Variants in ITGAL observed in about 807,000 individuals in gnomAD.
ITGAL encodes the protein integrin subunit alpha L.
Under a neutral mutation model 138.4 loss-of-function variants are expected in ITGAL, and 68 were observed. The observed-to-expected ratio is 0.49, with a 90% confidence interval of 0.40 to 0.60. The LOEUF (loss-of-function observed/expected upper bound fraction) is 0.60, where lower values mean the gene tolerates loss of function less well. ITGAL is among the 20% of genes least tolerant of loss of function. The pLI, the probability that ITGAL is intolerant of heterozygous loss-of-function variation, is 0.00. For synonymous variants in ITGAL, 561 were observed against 584.3 expected, an observed-to-expected ratio of 0.96 and a Z score of 0.57; for missense variants, 1,256 against 1,478.6, an observed-to-expected ratio of 0.85 and a Z score of 2.47.
At chr16:30,509,380 A>G (rs1367443603) in intron 21 of ITGAL, 1 of 152,072 alleles carries the variant, frequency 6.6e-6, no homozygotes, top group Non-Finnish European at 1.5e-5. Context: ...ATGAAGATGA[A>G]TGGTTTAATA....
At position 30,499,451 on chromosome 16, in the gene ITGAL, A is replaced by G. The variant is rs2050852158; in HGVS notation, c.2107A>G (p.Thr703Ala). 1.9e-6 allele frequency: 3 copies of G among 1,613,762 alleles called. No individual in the cohort carries two copies. In the South Asian group the frequency reaches 3.3e-5, roughly 18 times the overall value. The change falls in exon 17 of 31, where the codon ACC becomes GCC. Residue 703 changes from threonine (T) to alanine (A), a missense_variant. Coordinates refer to ENST00000356798, the MANE Select transcript of ITGAL (RefSeq NM_002209.3). ...ACTCAGAAGGAATATAGCTGTCACCACCAGCATGTCATGCACTGACTTCTC... is the reference window on the plus strand; with the variant it reads ...ACTCAGAAGGAATATAGCTGTCACCGCCAGCATGTCATGCACTGACTTCTC... ...HELRRNIAVT[T>A]SMSCTDFSFH...
intron 17 of ITGAL, among the ~76,000 whole-genome samples, chr16:30,502,427 A>G (rs1308146690): frequency 3.5e-5 from 5 of 142,192 alleles, no homozygotes; most frequent in Admixed American, 7.2e-5. Flanking sequence ...AAAAGGATTG[A>G]TATCAAATTG....
Position 30,496,261 on chromosome 16 carries a change from G to T in ITGAL, c.1668G>T (p.Gly556=). ...AGGGGGCTGTGTACATCTTCAATGGGAGGCACGGGGGGCTTAGTCCCCAGC... is the reference window on the plus strand; with the variant it reads ...AGGGGGCTGTGTACATCTTCAATGGTAGGCACGGGGGGCTTAGTCCCCAGC... ...EEQGAVYIFN[G]RHGGLSPQPS... Residue 556 remains glycine (G), a synonymous_variant, in exon 14 of 31, where the codon GGG becomes GGT. Coordinates refer to ENST00000356798, the MANE Select transcript of ITGAL (RefSeq NM_002209.3). 1 of 1,604,038 alleles carries T rather than the reference G, an allele frequency of 6.2e-7. No homozygotes were observed. The highest frequency in any genetic ancestry group is 8.5e-7 in the Non-Finnish European group (1 of 1,174,244).
intron 24 of ITGAL, among the ~76,000 whole-genome samples, chr16:30,512,645 G>C (rs1170781877): frequency 6.6e-6 from 1 of 151,422 alleles, no homozygotes; most frequent in Non-Finnish European, 1.5e-5. Context: ...CTCAGTTACA[G>C]AAGGACAGAG....
chr16:30,517,865 C>T lies in ITGAL; in HGVS notation c.3102C>T (p.Ile1034=), dbSNP rs766847705. The T allele has an allele frequency of 1.9e-5, 31 of 1,613,960 alleles. No homozygotes were observed. The highest frequency in any genetic ancestry group is 1.6e-4 in the Middle Eastern group (1 of 6,070). ...GGCAGGAGATCCTCGTCCAAGTGAT[C>T]GGGACTCTGGAGCTGGTGGGAGAGA... ...VFRQEILVQV[I]GTLELVGEIE... The change falls in exon 28 of 31, where the codon ATC becomes ATT. Residue 1034 remains isoleucine (I), a synonymous_variant. Transcript: ENST00000356798.
At chr16:30,492,900 T>G (rs2050744665) in intron 11 of ITGAL, among the ~76,000 whole-genome samples, 1 of 151,994 alleles carries the variant, frequency 6.6e-6, no homozygotes, top group African/African-American at 2.4e-5. Context: ...TTTATTTTGT[T>G]AGAGACAGGG....
chr16:30,518,515 C>A (rs201972843), intron 28 of ITGAL, 109 bp from the exon 29 acceptor site: 1 of 737,804 alleles, frequency 1.4e-6, no homozygotes. Context: ...TGGGTGCACC[C>A]CCCTGGAACC....
rs2050774302 is a variant in ITGAL at position 30,494,626 on chromosome 16, G to T, written c.1366-87G>T. The T allele has an allele frequency of 5.5e-6, 8 of 1,445,846 alleles. No individual in the cohort carries two copies. The South Asian group carries it at 9.8e-5, about 18-fold the overall frequency. The allele number at this position is 1,445,846 out of a possible 1,614,324, so 89.6% of individuals were successfully genotyped here. A position where few individuals can be genotyped will look rare whatever the true frequency, so the allele number is the denominator to read the frequency against. ...ATTGGAACCTGCATTTGAGGGAGTGGCACAAGATGAACACGGTACAGGTAT... is the reference window on the plus strand; with the variant it reads ...ATTGGAACCTGCATTTGAGGGAGTGTCACAAGATGAACACGGTACAGGTAT... On this transcript the variant is annotated intron_variant, in intron 12 of 30. Transcript: ENST00000356798. The surrounding 1 kb of genome is among the most constrained non-coding windows in gnomAD (Gnocchi z 4.2).
intron 1 of ITGAL, 173 bp from the exon 2 acceptor site, chr16:30,474,023 G>A: frequency 1.4e-6 from 1 of 697,214 alleles, no homozygotes; most frequent in East Asian, 2.7e-5. Flanking sequence ...GAGCTCTAGG[G>A]GGGCCGGGAG....
Position 30,494,488 on chromosome 16 carries a change from T to C in ITGAL, c.1365+125T>C. The C allele has an allele frequency of 8.6e-7, 1 of 1,169,146 alleles. No homozygotes were observed. The highest frequency in any genetic ancestry group is 1.2e-6 in the Non-Finnish European group (1 of 844,006). The allele number at this position is 1,169,146 out of a possible 1,614,324, so 72.4% of individuals were successfully genotyped here. A position where few individuals can be genotyped will look rare whatever the true frequency, so the allele number is the denominator to read the frequency against. ...CCCCTGTGCTAAACATGATCACATT[T>C]ATCCCTCATAACACACAGAGGTAAG... On this transcript the variant is annotated intron_variant, in intron 12 of 30. Coordinates refer to ENST00000356798, the MANE Select transcript of ITGAL (RefSeq NM_002209.3). The surrounding 1 kb of genome is among the most constrained non-coding windows in gnomAD (Gnocchi z 4.2).
chr16:30,485,187 C>T (rs1202863720), intron 9 of ITGAL, among the ~76,000 whole-genome samples: 1 of 133,832 alleles, frequency 7.5e-6, no homozygotes, highest in Non-Finnish European at 1.6e-5. Context: ...CCTCTCCTCC[C>T]CCCTTCCTCT....
intron 21 of ITGAL, among the ~76,000 whole-genome samples, chr16:30,507,879 CTTT>C (rs1240485592): frequency 6.6e-6 from 1 of 151,842 alleles, no homozygotes; most frequent in Admixed American, 6.6e-5. Context: ...TTGAATTATT[CTTT>C]TTATTTTTTT....
At position 30,517,931 on chromosome 16, in the gene ITGAL, G is replaced by C. The variant is rs759586252; in HGVS notation, c.3132+36G>C. 17 of 1,596,800 alleles carry C rather than the reference G, an allele frequency of 1.1e-5. No individual in the cohort carries two copies. The South Asian group carries it at 1.9e-4, about 18-fold the overall frequency. On this transcript the variant is annotated intron_variant, in intron 28 of 30. Transcript: ENST00000356798. Reference sequence around the variant, plus strand: ...CTCCTAAGAGATGTGGAGCTGCTGTGGGGGCCCCAATGCCTGGGGCCGTTG... The same window carrying C: ...CTCCTAAGAGATGTGGAGCTGCTGTCGGGGCCCCAATGCCTGGGGCCGTTG...
In ITGAL at chr16:30,499,079, G is replaced by T. The variant is rs766182353; in HGVS notation, c.1838G>T (p.Arg613Leu). 6.2e-7 allele frequency: 1 copy of T among 1,613,854 alleles called. No individual in the cohort carries two copies. The highest frequency in any genetic ancestry group is 1.1e-5 in the South Asian group (1 of 91,040). Residue 613 changes from arginine to leucine, a missense_variant, in exon 16 of 31, where the codon CGG becomes CTG. By Grantham distance (102) the Arg-to-Leu change is moderately radical. Coordinates refer to ENST00000356798, the MANE Select transcript of ITGAL (RefSeq NM_002209.3). ...AESQMIVLSS[R>L]PVVDMVTLMS... is the part of the protein sequence containing the mutation. ...GGTTGCCTTCTGCCCTGCAGCTCCC[G>T]GCCCGTGGTGGATATGGTCACCCTG...
rs769055451 is a variant in ITGAL, at chr16:30,505,288, G to A, written c.2280G>A (p.Ser760=). 24 of 1,612,638 alleles carry A rather than the reference G, an allele frequency of 1.5e-5. No individual in the cohort carries two copies. The highest frequency in any genetic ancestry group is 1.8e-5 in the Non-Finnish European group (21 of 1,179,350). Residue 760 remains serine, a synonymous_variant, in exon 19 of 31, where the codon TCG becomes TCA. Coordinates refer to ENST00000356798, the MANE Select transcript of ITGAL (RefSeq NM_002209.3). ...IPPILRPSLH[S]ETWEIPFEKN... ...CCATCCTGAGACCCTCCCTGCACTC[G>A]GAAACCTGGGAGGTAAGAGGGGAGA...
chr16:30,498,936 C>T (rs1468415745), intron 15 of ITGAL, 138 bp from the exon 16 acceptor site: 2 of 683,316 alleles, frequency 2.9e-6, no homozygotes, highest in Admixed American at 2.9e-5. Context: ...TATTATTTTC[C>T]TTAAGAGGAG....
Position 30,472,817 on chromosome 16 carries a change from G to C in ITGAL, c.-21G>C, listed in dbSNP as rs773118038. 4.3e-6 allele frequency: 7 copies of C among 1,610,834 alleles called. No homozygotes were observed. The highest frequency in any genetic ancestry group is 5.9e-6 in the Non-Finnish European group (7 of 1,178,834). ...TCCTGACGCTGCCCCTGGGGCCACAGGTCCCTCGAGTGCTGGAAGGATGAA... is the reference window on the plus strand; with the variant it reads ...TCCTGACGCTGCCCCTGGGGCCACACGTCCCTCGAGTGCTGGAAGGATGAA... On this transcript the variant is annotated 5_prime_UTR_variant, in exon 1 of 31. Coordinates refer to ENST00000356798, the MANE Select transcript of ITGAL (RefSeq NM_002209.3).
chr16:30,483,758 G>C, intron 7 of ITGAL, 69 bp from the exon 8 acceptor site: 1 of 1,501,998 alleles, frequency 6.7e-7, no homozygotes, highest in Non-Finnish European at 9.0e-7. Flanking sequence ...GACTTGATGA[G>C]CAGGTGGGGA....
chr16:30,492,225 A>C (rs1172569205), intron 11 of ITGAL, among the ~76,000 whole-genome samples: 1 of 151,406 alleles, frequency 6.6e-6, no homozygotes, highest in South Asian at 2.1e-4. Flanking sequence ...AGATGAAGAC[A>C]GCCTGACACT....
Sources: gnomAD v4.1 joint callset for allele counts (sites outside exome capture counted in the v4.1 genomes callset) on GRCh38, gnomAD v4.1.1 for gene constraint, Gnocchi (gnomAD v3.1) non-coding constraint, MANE v1.5 for transcripts, NCBI Gene and HGNC (gene_info 2026-07-23, HGNC 2026-07-21) for gene names.